Variants in USP12 observed in about 807,000 individuals in gnomAD.
The protein encoded by USP12 is ubiquitin carboxyl-terminal hydrolase 12.
USP12 carries 19 observed loss-of-function variants against 45.5 expected under a neutral mutation model. The observed-to-expected ratio is 0.42, with a 90% confidence interval of 0.29 to 0.61. The LOEUF (loss-of-function observed/expected upper bound fraction) is 0.61. USP12 is among the 20% of genes least tolerant of loss of function. The probability of loss-of-function intolerance (pLI) is 0.22; values close to 1 mark genes in which losing one functional copy is unlikely to be tolerated. For missense variants in USP12, 242 were observed against 447.7 expected (o/e 0.54, Z 4.15); for synonymous variants, 149 against 148.8 (o/e 1.00, Z -0.01).
chr13:27,066,548 TACA>T lies in USP12; in HGVS notation c.*2732_*2734del, dbSNP rs1873002590. The T allele has an allele frequency of 6.6e-6, 1 of 152,298 alleles. No homozygotes were observed. Among genetic ancestry groups the T allele is most frequent in the African/African-American group, 2.4e-5 (1 of 41,566 alleles). The allele number at this position is 152,298 out of a possible 1,614,324, so 9.4% of individuals were successfully genotyped here. The stretch of plus-strand genomic sequence containing the variant: ...GTTAGAGGCCCCAAGACCCACATAA[TACA>T]ACATTTCCCTCTTTCCCTGTTCCCA... On this transcript the variant is annotated 3_prime_UTR_variant, in exon 9 of 9. Transcript: ENST00000282344.
rs527403242 is a variant in USP12, at chr13:27,167,929, A to G, written c.48+3663T>C. 4.6e-5 allele frequency among the ~76,000 whole-genome samples: 7 copies of G among 152,290 alleles called. No homozygotes were observed. The South Asian group carries it at 1.5e-3, about 32-fold the overall frequency. Reference sequence around the variant, plus strand: ...GTGAGACTGAGCAGTAAGAAAAGGCAAACATTTTCCATGTATGTCCTTTCT... The same window carrying G: ...GTGAGACTGAGCAGTAAGAAAAGGCGAACATTTTCCATGTATGTCCTTTCT... On this transcript the variant is annotated intron_variant, in intron 1 of 8. Coordinates refer to ENST00000282344, the MANE Select transcript of USP12 (RefSeq NM_182488.4).
At chr13:27,122,562 G>A (rs1444948405) in intron 1 of USP12, among the ~76,000 whole-genome samples, 1 of 152,042 alleles carries the variant, frequency 6.6e-6, no homozygotes, top group Non-Finnish European at 1.5e-5. Flanking sequence ...TGAGATGCAA[G>A]GTTCACATGA....
At chr13:27,089,563 A>C in intron 6 of USP12, 1 of 206,000 alleles carries the variant, frequency 4.9e-6, no homozygotes, top group East Asian at 1.1e-4. Flanking sequence ...GGGGAGTGCT[A>C]TCTCCCTCAA....
chr13:27,076,694 C>T (rs1022269123), intron 6 of USP12, among the ~76,000 whole-genome samples: 6 of 152,044 alleles, frequency 3.9e-5, no homozygotes, highest in Admixed American at 1.3e-4. Context: ...AAGCAAAATA[C>T]TCCTCACAAT....
At chr13:27,113,679 C>T (rs933383909) in intron 2 of USP12, among the ~76,000 whole-genome samples, 2 of 152,274 alleles carry the variant, frequency 1.3e-5, no homozygotes, top group South Asian at 2.1e-4. Context: ...CAATCAAAGC[C>T]CTTTTACAGC....
chr13:27,152,032 G>T (rs569312796), intron 1 of USP12, among the ~76,000 whole-genome samples: 17 of 152,180 alleles, frequency 1.1e-4, no homozygotes, highest in African/African-American at 3.1e-4. Context: ...CAGAGAAATG[G>T]GAACAGCCAT....
At chr13:27,100,122 A>T (rs1290530151) in intron 3 of USP12, among the ~76,000 whole-genome samples, 1 of 152,236 alleles carries the variant, frequency 6.6e-6, no homozygotes, top group Non-Finnish European at 1.5e-5. Flanking sequence ...AGTCATGCAT[A>T]GAACCTTGCG....
In USP12 at chr13:27,089,904, C is replaced by T; in HGVS notation, c.713G>A (p.Ser238Asn). The part of the protein sequence containing the change: ...EYKYYCEECR[S>N]KQEAHKRMKV... ...TTACCGTTTGTGTGCTTCCTGTTTGCTGCGACACTCTTCACAGTAATACTT... is the reference window on the plus strand; with the variant it reads ...TTACCGTTTGTGTGCTTCCTGTTTGTTGCGACACTCTTCACAGTAATACTT... The change falls in exon 6 of 9, where the codon AGC becomes AAC. Residue 238 changes from serine to asparagine, a missense_variant. Ser to Asn is a conservative substitution (Grantham distance 46, BLOSUM62 1). This residue lies in a region of USP12 where 94 missense variants were observed against 168.3 expected (regional missense o/e 0.56). Coordinates refer to ENST00000282344, the MANE Select transcript of USP12 (RefSeq NM_182488.4). 5 of 1,610,490 alleles carry T rather than the reference C, an allele frequency of 3.1e-6. No individual in the cohort carries two copies. Among genetic ancestry groups the T allele is most frequent in the Non-Finnish European group, 4.2e-6 (5 of 1,178,586 alleles).
chr13:27,139,781 A>G (rs987104886), intron 1 of USP12, among the ~76,000 whole-genome samples: 5 of 152,210 alleles, frequency 3.3e-5, no homozygotes, highest in Admixed American at 2.6e-4. Context: ...ACTGATTCAC[A>G]TATTTATTTT....
chr13:27,101,876 C>A (rs1002664880), intron 3 of USP12, among the ~76,000 whole-genome samples: 3 of 152,156 alleles, frequency 2.0e-5, no homozygotes, highest in African/African-American at 7.2e-5. Flanking sequence ...TTAAATTTAT[C>A]TGTTTTTGTA....
chr13:27,157,076 AAATGAACTAAT>A (rs1325613109), intron 1 of USP12, among the ~76,000 whole-genome samples: 1 of 152,220 alleles, frequency 6.6e-6, no homozygotes, highest in African/African-American at 2.4e-5. Flanking sequence ...TGTTTGGAAA[AAATGAACTAAT>A]AATAACAAAG....
At chr13:27,103,616 T>TAAC (rs1874982689) in intron 3 of USP12, among the ~76,000 whole-genome samples, 1 of 119,848 alleles carries the variant, frequency 8.3e-6, no homozygotes, top group Non-Finnish European at 1.9e-5. Flanking sequence ...AAAATAATAA[T>TAAC]AATAATAATA....
At chr13:27,104,647 C>T (rs1019190570) in intron 3 of USP12, among the ~76,000 whole-genome samples, 16 of 152,160 alleles carry the variant, frequency 1.1e-4, no homozygotes, top group Admixed American at 3.9e-4. Flanking sequence ...AACAAATCTT[C>T]AACAAACGTA....
intron 3 of USP12, among the ~76,000 whole-genome samples, chr13:27,099,227 G>A (rs1874742390): frequency 6.6e-6 from 1 of 152,132 alleles, no homozygotes; most frequent in South Asian, 2.1e-4. Flanking sequence ...AAACTTCTAG[G>A]TTTGTTTGGT....
At chr13:27,107,528 T>G (rs969835023) in intron 2 of USP12, among the ~76,000 whole-genome samples, 3 of 137,668 alleles carry the variant, frequency 2.2e-5, no homozygotes, top group Non-Finnish European at 5.0e-5. Context: ...CAACATAAAC[T>G]TATAACTCTG....
Position 27,105,867 on chromosome 13 carries a change from C to A in USP12, c.207G>T (p.Ala69=). ...FCRPFREKVL[A]YKSQPRKKES... ...CCTTTTTCCTAGGTTGACTCTTATA[C>A]GCAAGAACTTTTTCCCGAAATGGAC... is the stretch of plus-strand genomic sequence containing the variant. The change falls in exon 3 of 9, where the codon GCG becomes GCT. Residue 69 remains alanine (A), a synonymous_variant. Coordinates refer to ENST00000282344, the MANE Select transcript of USP12 (RefSeq NM_182488.4). 1 of 1,613,690 alleles carries A rather than the reference C, an allele frequency of 6.2e-7. No individual in the cohort carries two copies. The highest frequency in any genetic ancestry group is 8.5e-7 in the Non-Finnish European group (1 of 1,179,802).
intron 1 of USP12, among the ~76,000 whole-genome samples, chr13:27,118,718 C>G (rs1875853423): frequency 6.6e-6 from 1 of 152,182 alleles, no homozygotes; most frequent in South Asian, 2.1e-4. Flanking sequence ...AATACAACCT[C>G]AAATACTTAC....
intron 1 of USP12, among the ~76,000 whole-genome samples, chr13:27,124,606 C>T (rs753603335): frequency 1.9e-4 from 29 of 152,082 alleles, no homozygotes; most frequent in Non-Finnish European, 2.6e-4. Context: ...AAAGGAGAAC[C>T]GCCAAATCAG....
chr13:27,083,229 T>C (rs1333228580), intron 6 of USP12, among the ~76,000 whole-genome samples: 1 of 152,116 alleles, frequency 6.6e-6, no homozygotes, highest in Non-Finnish European at 1.5e-5. Context: ...ACCGTAACAA[T>C]ATAATAATGA....
Sources: allele counts gnomAD v4.1 joint callset (sites outside exome capture counted in the v4.1 genomes callset), GRCh38; gene constraint gnomAD v4.1.1; regional missense constraint gnomAD v4.1.1; transcripts MANE v1.5; gene names NCBI Gene and HGNC (gene_info 2026-07-23, HGNC 2026-07-21).